The following CLPSL2 variants were observed in gnomAD, a reference collection of about 807,000 sequenced individuals.
The protein encoded by CLPSL2 is colipase like 2.
CLPSL2 carries 4 observed loss-of-function variants against 7.9 expected under a neutral mutation model. The observed-to-expected ratio is 0.50, with a 90% CI of 0.25 to 1.15. CLPSL2 has a LOEUF of 1.15. Among genes scored for constraint, CLPSL2 ranks in the 50% most tolerant of loss-of-function variants. The pLI is 0.15. For synonymous variants in CLPSL2, 67 were observed against 53.1 expected, an observed-to-expected ratio of 1.26 and a Z score of -1.14; for missense variants, 132 against 136.6, an observed-to-expected ratio of 0.97 and a Z score of 0.17.
chr6:35,777,118 C>A (rs1270147673), intron 1 of CLPSL2, among the ~76,000 whole-genome samples: 2 of 152,076 alleles, frequency 1.3e-5, no homozygotes, highest in Admixed American at 1.3e-4. Context: ...TTCTCTCCCT[C>A]TTTTTCGAGC....
intron 2 of CLPSL2, among the ~76,000 whole-genome samples, 182 bp from the exon 3 acceptor site, chr6:35,779,173 T>A (rs900836977): frequency 6.6e-6 from 1 of 152,162 alleles, no homozygotes; most frequent in African/African-American, 2.4e-5. Flanking sequence ...ATTTGACAGA[T>A]GAGGAAACCG....
intron 2 of CLPSL2, 193 bp downstream of exon 2, chr6:35,777,774 T>C: frequency 4.1e-6 from 3 of 731,802 alleles, no homozygotes; most frequent in East Asian, 2.7e-5. Flanking sequence ...TCCTTGGAGC[T>C]CCTGTACCCT....
In CLPSL2 at chr6:35,779,532, A is replaced by T. The variant is rs1430409464; in HGVS notation, c.*82A>T. On this transcript the variant is annotated 3_prime_UTR_variant, in exon 3 of 3. Transcript: ENST00000403376. Reference sequence around the variant, plus strand: ...ACTTGCTCCAAATCCAGCTCCTGAGACATTAAAGTCACTTCCTGTCCTTGG... The same window carrying T: ...ACTTGCTCCAAATCCAGCTCCTGAGTCATTAAAGTCACTTCCTGTCCTTGG... 3 of 1,548,564 alleles carry T rather than the reference A, an allele frequency of 1.9e-6. No homozygotes were observed.
At chr6:35,778,542 G>A (rs1321049127) in intron 2 of CLPSL2, among the ~76,000 whole-genome samples, 1 of 152,234 alleles carries the variant, frequency 6.6e-6, no homozygotes, top group Non-Finnish European at 1.5e-5. Context: ...ACCCCACCAG[G>A]CTGTTGGGAA....
intron 2 of CLPSL2, among the ~76,000 whole-genome samples, chr6:35,778,323 G>T (rs1319746108): frequency 6.6e-6 from 1 of 152,220 alleles, no homozygotes; most frequent in Non-Finnish European, 1.5e-5. Context: ...AGTAGGAAAT[G>T]ACCTTCCCCT....
At chr6:35,777,066 A>G (rs1767851316) in intron 1 of CLPSL2, among the ~76,000 whole-genome samples, 1 of 151,578 alleles carries the variant, frequency 6.6e-6, no homozygotes, top group South Asian at 2.1e-4. Context: ...CTCACTGTCT[A>G]GTGATTCTTC....
intron 2 of CLPSL2, chr6:35,777,809 G>T (rs1767874829): frequency 2.8e-6 from 2 of 717,834 alleles, no homozygotes; most frequent in Non-Finnish European, 5.2e-6. Flanking sequence ...AGCAGACCAT[G>T]TATCTCCCTA....
At position 35,779,309 on chromosome 6, in the gene CLPSL2, T is replaced by A. The variant is rs1366012247; in HGVS notation, c.208-46T>A. The A allele has an allele frequency of 2.0e-6, 3 of 1,486,554 alleles. No individual in the cohort carries two copies. In the Admixed American group the frequency reaches 6.1e-5, roughly 30 times the overall value. 92.1% of individuals were successfully genotyped at this position (1,486,554 alleles called of 1,614,324 possible). ...CCCCAAGAAGTTTAAGTCCCCATCCTTCCTGCATCCTGGTGACTCCCGATT... is the reference window on the plus strand; with the variant it reads ...CCCCAAGAAGTTTAAGTCCCCATCCATCCTGCATCCTGGTGACTCCCGATT... On this transcript the variant is annotated intron_variant, in intron 2 of 2. Transcript: ENST00000403376.
At position 35,776,673 on chromosome 6, in the gene CLPSL2, C is replaced by T. The variant is rs934099089; in HGVS notation, c.55C>T (p.Leu19Phe). The T allele has an allele frequency of 2.8e-5, 41 of 1,472,860 alleles. No homozygotes were observed. In the African/African-American group the frequency reaches 4.7e-4, roughly 17 times the overall value. The allele number at this position is 1,472,860 out of a possible 1,614,324, so 91.2% of individuals were successfully genotyped here. A position where few individuals can be genotyped will look rare whatever the true frequency, so the allele number is the denominator to read the frequency against. ...GGTCCTGTCGGGGGCGGTGCTGCCC[C>T]TCTGGAGCGCGCTTCCGCAATATAA... is the stretch of plus-strand genomic sequence containing the variant. ...AGVLSGAVLP[L>F]WSALPQYKKK... Residue 19 changes from leucine (L) to phenylalanine (F), a missense_variant, in exon 1 of 3, where the codon CTC becomes TTC. By Grantham distance (22) the Leu-to-Phe change is conservative (BLOSUM62 0). Transcript: ENST00000403376.
intron 2 of CLPSL2, 54 bp from the exon 3 acceptor site, chr6:35,779,301 C>T: frequency 1.4e-6 from 2 of 1,443,826 alleles, no homozygotes; most frequent in East Asian, 5.0e-5. Flanking sequence ...AAGTTTAAGT[C>T]CCCATCCTTC....
In CLPSL2 at chr6:35,778,058, C is replaced by G. The variant is rs937014409; in HGVS notation, c.207+477C>G. On this transcript the variant is annotated intron_variant, in intron 2 of 2. Transcript: ENST00000403376. The stretch of plus-strand genomic sequence containing the variant: ...GCAACCTCTGCCTCCTGGGTTCAAG[C>G]GATTCTTGGGCCTCAGCCTCCCGAG... The G allele has an allele frequency of 1.0e-5, 6 of 575,314 alleles. No individual in the cohort carries two copies. The East Asian group carries it at 2.0e-4, about 19-fold the overall frequency. 35.6% of individuals were successfully genotyped at this position (575,314 alleles called of 1,614,324 possible). A position where few individuals can be genotyped will look rare whatever the true frequency, so the allele number is the denominator to read the frequency against.
chr6:35,776,851 A>T (rs1767847581), intron 1 of CLPSL2, 149 bp downstream of exon 1: 2 of 632,478 alleles, frequency 3.2e-6, no homozygotes, highest in African/African-American at 3.9e-5. Context: ...GCATCCTCAG[A>T]CGGACTTCAA....
At position 35,776,626 on chromosome 6, in the gene CLPSL2, C is replaced by G. The variant is rs1171025987; in HGVS notation, c.8C>G (p.Ala3Gly). The change falls in exon 1 of 3, where the codon GCA becomes GGA. Residue 3 changes from alanine to glycine, a missense_variant. Physicochemically the swap from Ala to Gly is moderately conservative, Grantham distance 60. Transcript: ENST00000403376. ...GCTCTGCCGCCCAGGCCCATGGCCG[C>G]AGCCCTGGCGCTCGTGGCGGGGGTC... The part of the protein sequence containing the change: MA[A>G]ALALVAGVLS... 2.7e-6 allele frequency: 4 copies of G among 1,500,412 alleles called. No individual in the cohort carries two copies. In the South Asian group the frequency reaches 4.9e-5, roughly 19 times the overall value. 92.9% of individuals were successfully genotyped at this position (1,500,412 alleles called of 1,614,324 possible). A position where few individuals can be genotyped will look rare whatever the true frequency, so the allele number is the denominator to read the frequency against.
At chr6:35,778,719 G>A (rs1041619805) in intron 2 of CLPSL2, among the ~76,000 whole-genome samples, 2 of 152,236 alleles carry the variant, frequency 1.3e-5, no homozygotes, top group African/African-American at 2.4e-5. Flanking sequence ...TGTGTGGGGA[G>A]TTGCCAATGC....
intron 1 of CLPSL2, 136 bp downstream of exon 1, chr6:35,776,838 G>A: frequency 1.4e-6 from 1 of 730,878 alleles, no homozygotes; most frequent in Non-Finnish European, 2.0e-6. Flanking sequence ...CGGGTAGCCT[G>A]GGGCATCCTC....
chr6:35,779,362 G>A lies in CLPSL2; in HGVS notation c.215G>A (p.Gly72Glu), dbSNP rs146388571. The A allele has an allele frequency of 1.3e-6, 2 of 1,569,292 alleles. No homozygotes were observed. The highest frequency in any genetic ancestry group is 1.7e-6 in the Non-Finnish European group (2 of 1,153,980). ...CATACCCACTCCCTGCAGACCAAGG[G>A]AGCTACCAACATCATCTGCCCTTGC... is the stretch of plus-strand genomic sequence containing the variant. Reference protein sequence around the residue: ...ITMICLPQTKGATNIICPCRM... With the variant: ...ITMICLPQTKEATNIICPCRM... Residue 72 changes from glycine (G) to glutamate (E), a missense_variant, in exon 3 of 3, where the codon GGA (glycine) becomes GAA (glutamate). Gly to Glu is a moderately conservative substitution (Grantham distance 98). Coordinates refer to ENST00000403376, the MANE Select transcript of CLPSL2 (RefSeq NM_207409.4).
chr6:35,777,312 G>T (rs1046377482), intron 1 of CLPSL2, 147 bp from the exon 2 acceptor site: 4 of 817,850 alleles, frequency 4.9e-6, no homozygotes, highest in Non-Finnish European at 7.6e-6. Flanking sequence ...GTGGGGCTGG[G>T]GGGGGAACCA....
At chr6:35,776,799 G>C in intron 1 of CLPSL2, 97 bp downstream of exon 1, 1 of 1,130,840 alleles carries the variant, frequency 8.8e-7, no homozygotes, top group South Asian at 2.1e-5. Context: ...AGCCTGAAAG[G>C]GAGAGGTGGG....
At chr6:35,778,904 C>A (rs570140162) in intron 2 of CLPSL2, among the ~76,000 whole-genome samples, 46 of 152,288 alleles carry the variant, frequency 3.0e-4, no homozygotes, top group African/African-American at 1.1e-3. Flanking sequence ...AGCAATTCCT[C>A]TGCCTCAGCC....
Sources: gnomAD v4.1 joint callset for allele counts (sites outside exome capture counted in the v4.1 genomes callset) on GRCh38, gnomAD v4.1.1 for gene constraint, MANE v1.5 for transcripts, NCBI Gene and HGNC (gene_info 2026-07-23, HGNC 2026-07-21) for gene names.